The following BRK1 variants were observed in gnomAD, a reference collection of about 807,000 sequenced individuals.
BRK1 encodes the protein protein BRICK1.
A neutral mutation model predicts 9.9 loss-of-function variants in BRK1; 6 were observed. The ratio of observed to expected loss-of-function variants is 0.60; its 90% CI spans 0.33 to 1.19. The LOEUF is 1.19. Ranked by LOEUF, BRK1 falls within the 50% of genes most tolerant of loss-of-function variation. BRK1 has a pLI of 0.04. For synonymous variants in BRK1, 44 were observed against 31.9 expected (o/e 1.38, Z -1.28); for missense variants, 62 against 97.5 (o/e 0.64, Z 1.53).
intron 1 of BRK1, among the ~76,000 whole-genome samples, chr3:10,119,100 C>T (rs1457109316): frequency 4.7e-5 from 7 of 149,042 alleles, no homozygotes; most frequent in Admixed American, 1.3e-4. Context: ...TCTGCACTCG[C>T]GCCACTGCAC....
At chr3:10,123,192 C>G (rs910211547) in intron 1 of BRK1, among the ~76,000 whole-genome samples, 9 of 152,168 alleles carry the variant, frequency 5.9e-5, no homozygotes, top group Non-Finnish European at 4.4e-5. Context: ...TAAATTAAAT[C>G]TGGTTTCATT....
chr3:10,117,729 C>G (rs1297449717), intron 1 of BRK1, among the ~76,000 whole-genome samples: 3 of 151,942 alleles, frequency 2.0e-5, no homozygotes, highest in African/African-American at 7.2e-5. Context: ...ATTAGACATA[C>G]AGAAGTCCAG....
At chr3:10,123,831 G>GT (rs1695798979) in intron 1 of BRK1, among the ~76,000 whole-genome samples, 1 of 142,302 alleles carries the variant, frequency 7.0e-6, no homozygotes, top group Admixed American at 7.3e-5. Flanking sequence ...CGCCTCCCAG[G>GT]TTCAAGTGAT....
At chr3:10,126,127 C>G in intron 2 of BRK1, 142 bp from the exon 3 acceptor site, 2 of 596,740 alleles carry the variant, frequency 3.4e-6, no homozygotes, top group Non-Finnish European at 5.7e-6. Context: ...AGCATGTTGC[C>G]TGGATTTGAA....
chr3:10,125,668 T>C lies in BRK1; in HGVS notation c.161T>C (p.Leu54Ser). 1 of 1,613,130 alleles carries C rather than the reference T, an allele frequency of 6.2e-7. No homozygotes were observed. Among genetic ancestry groups the C allele is most frequent in the Non-Finnish European group, 8.5e-7 (1 of 1,179,524 alleles). ...RSRLATLNEKLTALERRIEYI... is the reference protein window; with the variant it reads ...RSRLATLNEKSTALERRIEYI... ...AGACTTGCAACACTAAACGAGAAAT[T>C]GACAGCCCTTGAACGGAGAATAGAG... is the stretch of plus-strand genomic sequence containing the variant. The change falls in exon 2 of 3, where the codon TTG becomes TCG. Residue 54 changes from leucine to serine, a missense_variant. Physicochemically the swap from Leu to Ser is moderately radical, Grantham distance 145 (BLOSUM62 -2). Transcript: ENST00000530758.
At chr3:10,122,948 A>G (rs1158032794) in intron 1 of BRK1, among the ~76,000 whole-genome samples, 2 of 152,222 alleles carry the variant, frequency 1.3e-5, no homozygotes, top group Non-Finnish European at 2.9e-5. Flanking sequence ...CAAAACAGCC[A>G]GGGAATAGAT....
intron 1 of BRK1, among the ~76,000 whole-genome samples, chr3:10,120,037 G>GTT (rs112860224): frequency 8.1e-5 from 12 of 148,432 alleles, no homozygotes; most frequent in South Asian, 2.1e-4. Flanking sequence ...GACAGTTTTT[G>GTT]TTTTTTTTTT....
Position 10,125,728 on chromosome 3 carries a change from G to T in BRK1, c.201+20G>T. 6.5e-7 allele frequency: 1 copy of T among 1,537,134 alleles called. No homozygotes were observed. Among genetic ancestry groups the T allele is most frequent in the South Asian group, 1.1e-5 (1 of 87,356 alleles). The stretch of plus-strand genomic sequence containing the variant: ...GCTCGGGTGAGTTTGATGGGCAAGG[G>T]CATTCCAGAGAGAATGCACATTTCC... On this transcript the variant is annotated intron_variant, in intron 2 of 2. Transcript: ENST00000530758.
chr3:10,123,732 CTTTTTTTTTTTT>C (rs71626962), intron 1 of BRK1, among the ~76,000 whole-genome samples: 3 of 48,694 alleles, frequency 6.2e-5, no homozygotes, highest in Non-Finnish European at 9.2e-5. Flanking sequence ...CGTGCCTGGC[CTTTTTTTTTTTT>C]TTTTTTTTTG....
intron 2 of BRK1, 81 bp downstream of exon 2, chr3:10,125,789 T>C: frequency 9.1e-7 from 1 of 1,093,178 alleles, no homozygotes; most frequent in Non-Finnish European, 1.3e-6. Context: ...GCAGAAACAG[T>C]CTTAGGAAAC....
intron 1 of BRK1, among the ~76,000 whole-genome samples, chr3:10,123,970 G>C (rs866594718): frequency 1.3e-5 from 2 of 150,708 alleles, no homozygotes; most frequent in Non-Finnish European, 3.0e-5. Flanking sequence ...TCTGACCTCA[G>C]TTGATCTGCC....
At chr3:10,120,442 A>T (rs560217219) in intron 1 of BRK1, among the ~76,000 whole-genome samples, 127 of 152,112 alleles carry the variant, frequency 8.3e-4, no homozygotes, top group Non-Finnish European at 1.3e-3. Context: ...TGATCTGCCC[A>T]CCTCAGCCTC....
chr3:10,118,338 A>G (rs1695714063), intron 1 of BRK1, among the ~76,000 whole-genome samples: 1 of 152,134 alleles, frequency 6.6e-6, no homozygotes, highest in Admixed American at 6.6e-5. Context: ...GATAAATTAA[A>G]TTATAAGGAT....
intron 1 of BRK1, among the ~76,000 whole-genome samples, chr3:10,118,280 T>C (rs1172549205): frequency 6.7e-6 from 1 of 148,764 alleles, no homozygotes; most frequent in Non-Finnish European, 1.5e-5. Flanking sequence ...AGATTGACAC[T>C]ATCACAATGC....
At chr3:10,124,833 A>G (rs1695814745) in intron 1 of BRK1, among the ~76,000 whole-genome samples, 2 of 152,184 alleles carry the variant, frequency 1.3e-5, no homozygotes, top group African/African-American at 4.8e-5. Context: ...GGTCACTTAC[A>G]TCCCTTGGTT....
chr3:10,115,860 G>A, intron 1 of BRK1, 41 bp downstream of exon 1: 2 of 1,531,976 alleles, frequency 1.3e-6, no homozygotes, highest in African/African-American at 1.4e-5. Context: ...GAGGGAGGCC[G>A]CTGAGGTGGT....
chr3:10,125,350 CCGCCTAGTCCTCCCAAAG>C (rs1184681930), intron 1 of BRK1, among the ~76,000 whole-genome samples: 15 of 152,196 alleles, frequency 9.9e-5, no homozygotes, highest in Non-Finnish European at 2.2e-4. Flanking sequence ...GGTGATCCAC[CCGCCTAGTCCTCCCAAAG>C]TGCTAGGATT....
At chr3:10,125,324 C>G (rs1490909170) in intron 1 of BRK1, among the ~76,000 whole-genome samples, 1 of 151,998 alleles carries the variant, frequency 6.6e-6, no homozygotes, top group African/African-American at 2.4e-5. Context: ...AGGCTGGTCC[C>G]GAACTCTTGA....
At chr3:10,123,211 G>C (rs1418880361) in intron 1 of BRK1, among the ~76,000 whole-genome samples, 2 of 152,196 alleles carry the variant, frequency 1.3e-5, no homozygotes, top group Non-Finnish European at 2.9e-5. Flanking sequence ...TTTTGAATGA[G>C]ATGGTAAAAG....
Sources: gnomAD v4.1 joint callset for allele counts (sites outside exome capture counted in the v4.1 genomes callset) on GRCh38, gnomAD v4.1.1 for gene constraint, MANE v1.5 for transcripts, NCBI Gene and HGNC (gene_info 2026-07-23, HGNC 2026-07-21) for gene names.